The following ADCY1 variants were observed in gnomAD, a reference collection of about 807,000 sequenced individuals.
ADCY1 encodes adenylate cyclase 1, also known as adenylate cyclase type 1.
ADCY1 carries 28 observed loss-of-function variants against 105.4 expected under a neutral mutation model. The observed-to-expected ratio is 0.27, with a 90% CI of 0.20 to 0.36. The LOEUF (loss-of-function observed/expected upper bound fraction) is 0.36. Ranked by LOEUF, ADCY1 falls within the 10% of genes least tolerant of loss-of-function variation. The pLI, the probability that ADCY1 is intolerant of heterozygous loss-of-function variation, is 1.00. For missense variants in ADCY1, 977 were observed against 1,434.2 expected (o/e 0.68, Z 5.15); for synonymous variants, 655 against 623.8 (o/e 1.05, Z -0.75).
chr7:45,686,321 AT>A lies in ADCY1; in HGVS notation c.2327+108del. On this transcript the variant is annotated intron_variant, in intron 13 of 19. Transcript: ENST00000297323. The surrounding 1 kb of genome is among the most constrained non-coding windows in gnomAD (Gnocchi z 4.3). Reference sequence around the variant, plus strand: ...CTGAGTCCAGAACTAGTCAAGTTGAATTGTATACACAATTTTTAGTTTGGTG... The same window carrying A: ...CTGAGTCCAGAACTAGTCAAGTTGAATGTATACACAATTTTTAGTTTGGTG... The A allele has an allele frequency of 2.0e-6, 3 of 1,488,310 alleles. No homozygotes were observed. In the South Asian group the frequency reaches 4.1e-5, roughly 20 times the overall value. The allele number at this position is 1,488,310 out of a possible 1,614,324, so 92.2% of individuals were successfully genotyped here.
Position 45,574,758 on chromosome 7 carries a change from C to T in ADCY1, c.215C>T (p.Ala72Val). Reference protein sequence around the residue: ...LKALAVLSLLAGALALAELLG... With the variant: ...LKALAVLSLLVGALALAELLG... ...GCGCTGGCCGTTCTCAGCCTGCTGG[C>T]GGGCGCGCTGGCGCTGGCCGAGCTG... The change falls in exon 1 of 20, where the codon GCG becomes GTG. Residue 72 changes from alanine to valine, a missense_variant. Transcript: ENST00000297323. The surrounding 1 kb of genome is among the most constrained non-coding windows in gnomAD (Gnocchi z 7.0). 1.4e-6 allele frequency: 2 copies of T among 1,435,572 alleles called. No homozygotes were observed. The highest frequency in any genetic ancestry group is 1.8e-6 in the Non-Finnish European group (2 of 1,104,414). The allele number at this position is 1,435,572 out of a possible 1,614,324, so 88.9% of individuals were successfully genotyped here.
chr7:45,660,413 C>T, intron 7 of ADCY1, among the ~76,000 whole-genome samples: 1 of 152,220 alleles, frequency 6.6e-6, no homozygotes, highest in East Asian at 1.9e-4. Flanking sequence ...GATCTGGGAT[C>T]ACCTCGGGGC....
chr7:45,627,260 G>A (rs1255008391), intron 4 of ADCY1, among the ~76,000 whole-genome samples: 1 of 152,188 alleles, frequency 6.6e-6, no homozygotes, highest in African/African-American at 2.4e-5. Flanking sequence ...TCCGAAGCCT[G>A]TCTCCCTAGA....
chr7:45,583,828 TG>T (rs1351592802), intron 1 of ADCY1, among the ~76,000 whole-genome samples: 1 of 151,600 alleles, frequency 6.6e-6, no homozygotes, highest in African/African-American at 2.4e-5. Context: ...TTAGTAGAGA[TG>T]GGGTTTCTCC....
intron 11 of ADCY1, among the ~76,000 whole-genome samples, chr7:45,682,924 C>T (rs1369036202): frequency 6.6e-6 from 1 of 152,086 alleles, no homozygotes; most frequent in Non-Finnish European, 1.5e-5. Flanking sequence ...AGTGTAGCAC[C>T]ATCAGAGACA....
chr7:45,678,432 A>G (rs978859727), intron 10 of ADCY1, among the ~76,000 whole-genome samples, 169 bp downstream of exon 10: 2 of 152,080 alleles, frequency 1.3e-5, no homozygotes, highest in East Asian at 3.9e-4. Flanking sequence ...GCCAGCCATC[A>G]TTTCCTCATT....
intron 2 of ADCY1, among the ~76,000 whole-genome samples, chr7:45,609,785 A>G (rs1793481252): frequency 6.6e-6 from 1 of 152,174 alleles, no homozygotes; most frequent in African/African-American, 2.4e-5. Context: ...GAGGTCTAGG[A>G]AGGGGAAAGG....
intron 2 of ADCY1, among the ~76,000 whole-genome samples, chr7:45,607,876 A>T (rs1793424783): frequency 1.3e-5 from 2 of 152,108 alleles, no homozygotes; most frequent in Non-Finnish European, 2.9e-5. Context: ...CATGTCTTTT[A>T]TTGTAAATAG....
At position 45,703,823 on chromosome 7, in the gene ADCY1, CAAT is replaced by C; in HGVS notation, c.2718+79_2718+81del. The C allele has an allele frequency of 1.3e-6, 2 of 1,485,316 alleles. No homozygotes were observed. Among genetic ancestry groups the C allele is most frequent in the Non-Finnish European group, 1.8e-6 (2 of 1,107,668 alleles). The allele number at this position is 1,485,316 out of a possible 1,614,324, so 92.0% of individuals were successfully genotyped here. A position where few individuals can be genotyped will look rare whatever the true frequency, so the allele number is the denominator to read the frequency against. On this transcript the variant is annotated intron_variant, in intron 16 of 19. Transcript: ENST00000297323. The surrounding 1 kb of genome is among the most constrained non-coding windows in gnomAD (Gnocchi z 5.9). Reference sequence around the variant, plus strand: ...TGTTGCGTGGGCAGAGCGTGTCTCACAATATGTCACATTCTTCGTAGCTGGAAT... The same window carrying C: ...TGTTGCGTGGGCAGAGCGTGTCTCACATGTCACATTCTTCGTAGCTGGAAT...
intron 5 of ADCY1, among the ~76,000 whole-genome samples, chr7:45,650,469 A>G (rs1340703711): frequency 2.0e-5 from 3 of 152,136 alleles, no homozygotes; most frequent in Non-Finnish European, 2.9e-5. Flanking sequence ...ATGTCAGTCC[A>G]TTTGCTTAGT....
At chr7:45,580,330 G>T (rs1208517244) in intron 1 of ADCY1, among the ~76,000 whole-genome samples, 1 of 152,190 alleles carries the variant, frequency 6.6e-6, no homozygotes, top group African/African-American at 2.4e-5. Context: ...GGGCCGGGGG[G>T]CAGCTCCTTC....
At chr7:45,639,553 C>T (rs893757119) in intron 4 of ADCY1, among the ~76,000 whole-genome samples, 1 of 152,230 alleles carries the variant, frequency 6.6e-6, no homozygotes, top group Non-Finnish European at 1.5e-5. Context: ...ATCAGCTGGG[C>T]TGCCTGGGGC....
rs775166558 is a variant in ADCY1, at chr7:45,713,850, G to A, written c.3215G>A (p.Arg1072Gln). ...GSQIRSLGLD[R>Q]KMCPFGRAGL... Reference sequence around the variant, plus strand: ...CAAATCAGGTCCCTGGGCTTGGATCGGAAAATGTGTCCATTTGGGAGAGCT... The same window carrying A: ...CAAATCAGGTCCCTGGGCTTGGATCAGAAAATGTGTCCATTTGGGAGAGCT... Residue 1072 changes from arginine to glutamine, a missense_variant, in exon 20 of 20, where the codon CGG (arginine) becomes CAG (glutamine). Arg to Gln is a conservative substitution (Grantham distance 43, BLOSUM62 1). Transcript: ENST00000297323. The A allele has an allele frequency of 2.4e-5, 19 of 780,758 alleles. No individual in the cohort carries two copies. Among genetic ancestry groups the A allele is most frequent in the Non-Finnish European group, 3.8e-5 (16 of 418,156 alleles). The allele number at this position is 780,758 out of a possible 1,614,324, so 48.4% of individuals were successfully genotyped here. A position where few individuals can be genotyped will look rare whatever the true frequency, so the allele number is the denominator to read the frequency against.
chr7:45,673,738 A>AT lies in ADCY1; in HGVS notation c.1606-4123dup, dbSNP rs536470934. Among the ~76,000 whole-genome samples the AT allele has an allele frequency of 1.4e-3, 211 of 150,228 alleles. 1 individual carries two copies. The highest frequency in any genetic ancestry group is 1.9e-3 in the Non-Finnish European group (129 of 67,420). ...ACTTTTGGTTTCATTGATTTTCTCTATTTTTTTTGTTTTCTTTTTATTGAA... is the reference window on the plus strand; with the variant it reads ...ACTTTTGGTTTCATTGATTTTCTCTATTTTTTTTTGTTTTCTTTTTATTGAA... On this transcript the variant is annotated intron_variant, in intron 8 of 19. Transcript: ENST00000297323.
In ADCY1 at chr7:45,607,667, T is replaced by A. The variant is rs570779993; in HGVS notation, c.790-2712T>A. 2.0e-5 allele frequency among the ~76,000 whole-genome samples: 3 copies of A among 152,332 alleles called. No homozygotes were observed. The East Asian group carries it at 5.8e-4, about 29-fold the overall frequency. ...CATATTTATGTCTATATGTATCCAA[T>A]GTTTAGCTTCCACTCGTAAGTGAGA... is the stretch of plus-strand genomic sequence containing the variant. On this transcript the variant is annotated intron_variant, in intron 2 of 19. Coordinates refer to ENST00000297323, the MANE Select transcript of ADCY1 (RefSeq NM_021116.4).
chr7:45,627,493 A>G (rs1794095108), intron 4 of ADCY1, among the ~76,000 whole-genome samples: 1 of 152,228 alleles, frequency 6.6e-6, no homozygotes, highest in Admixed American at 6.5e-5. Flanking sequence ...AGCGCTGACC[A>G]TGGAGCCTGG....
chr7:45,711,607 GTATATATATATATATATATA>G lies in ADCY1; in HGVS notation c.3057+974_3057+993del, dbSNP rs71030888. ...CCATCCACCTCCAGAACTTCGTGCTGTATATATATATATATATATATATATATATATATATATACACACAC... is the reference window on the plus strand; with the variant it reads ...CCATCCACCTCCAGAACTTCGTGCTGTATATATATATATATATACACACAC... On this transcript the variant is annotated intron_variant, in intron 19 of 19. Transcript: ENST00000297323. 4.4e-3 allele frequency among the ~76,000 whole-genome samples: 312 copies of G among 70,814 alleles called. 8 individuals are homozygous for G. The highest frequency in any genetic ancestry group is 0.015 in the African/African-American group (296 of 20,158). The allele number at this position is 70,814 out of a possible 152,430, so 46.5% of individuals were successfully genotyped here.
chr7:45,640,307 C>T (rs1197841483), intron 4 of ADCY1, among the ~76,000 whole-genome samples: 2 of 152,192 alleles, frequency 1.3e-5, no homozygotes, highest in Non-Finnish European at 2.9e-5. Flanking sequence ...GACAGAACCT[C>T]TCCAATGGCT....
chr7:45,600,795 T>G (rs1793208573), intron 2 of ADCY1, among the ~76,000 whole-genome samples: 1 of 152,212 alleles, frequency 6.6e-6, no homozygotes, highest in Non-Finnish European at 1.5e-5. Context: ...TCACATGGTC[T>G]TCCCTCTGTG....
Sources: allele counts gnomAD v4.1 joint callset (sites outside exome capture counted in the v4.1 genomes callset), GRCh38; gene constraint gnomAD v4.1.1; non-coding constraint Gnocchi (gnomAD v3.1); transcripts MANE v1.5; gene names NCBI Gene and HGNC (gene_info 2026-07-23, HGNC 2026-07-21).